NKAIN2: variants seen among roughly 807,000 people sequenced by gnomAD.
NKAIN2 encodes the protein sodium/potassium-transporting ATPase subunit beta-1-interacting protein 2.
NKAIN2 carries 14 observed loss-of-function variants against 32.6 expected under a neutral mutation model. The observed-to-expected ratio is 0.43, with a 90% confidence interval of 0.28 to 0.67. NKAIN2 has a LOEUF of 0.67. Ranked by LOEUF, NKAIN2 falls within the 30% of genes least tolerant of loss-of-function variation. The probability of loss-of-function intolerance (pLI) is 0.17; values close to 1 mark genes in which losing one functional copy is unlikely to be tolerated. For missense variants in NKAIN2, 198 were observed against 258.3 expected, an observed-to-expected ratio of 0.77 and a Z score of 1.60; for synonymous variants, 80 against 87.2, an observed-to-expected ratio of 0.92 and a Z score of 0.46.
intron 1 of NKAIN2, among the ~76,000 whole-genome samples, chr6:123,830,186 C>G (rs1562205485): frequency 6.6e-6 from 1 of 152,152 alleles, no homozygotes; most frequent in Non-Finnish European, 1.5e-5. Flanking sequence ...CACTGCCATC[C>G]TCCTTGCTTA....
intron 1 of NKAIN2, among the ~76,000 whole-genome samples, chr6:123,837,278 G>A (rs1774670612): frequency 6.6e-6 from 1 of 151,778 alleles, no homozygotes; most frequent in South Asian, 2.1e-4. Context: ...TTAAGATTGT[G>A]TAAGCAAACC....
intron 3 of NKAIN2, among the ~76,000 whole-genome samples, chr6:124,474,785 C>T (rs1777116562): frequency 7.8e-6 from 1 of 128,066 alleles, no homozygotes; most frequent in Non-Finnish European, 1.8e-5. Context: ...TTATCTTACC[C>T]CTGTATATAT....
chr6:123,911,809 A>ATATATATG (rs1554222371), intron 1 of NKAIN2, among the ~76,000 whole-genome samples: 3 of 102,014 alleles, frequency 2.9e-5, no homozygotes, highest in Admixed American at 1.1e-4. Context: ...ATGTATATAT[A>ATATATATG]TATACACACA....
At chr6:123,915,138 G>T (rs1394459694) in intron 1 of NKAIN2, among the ~76,000 whole-genome samples, 1 of 152,164 alleles carries the variant, frequency 6.6e-6, no homozygotes, top group Non-Finnish European at 1.5e-5. Context: ...TTATGTTTGG[G>T]CCAAGCACTG....
At chr6:124,080,958 A>G (rs964206683) in intron 1 of NKAIN2, among the ~76,000 whole-genome samples, 1 of 152,134 alleles carries the variant, frequency 6.6e-6, no homozygotes, top group Non-Finnish European at 1.5e-5. Context: ...ATAGGTATAA[A>G]TCCCACCATA....
intron 3 of NKAIN2, among the ~76,000 whole-genome samples, chr6:124,637,959 G>T (rs959685311): frequency 6.6e-6 from 1 of 152,034 alleles, no homozygotes; most frequent in African/African-American, 2.4e-5. Context: ...AAGCAATTCT[G>T]GGGAAAACAA....
intron 3 of NKAIN2, among the ~76,000 whole-genome samples, chr6:124,400,872 C>T (rs76293989): frequency 0.014 from 2,091 of 152,194 alleles, 40 homozygotes; most frequent in African/African-American, 0.048. Context: ...TTTTTATGGT[C>T]ACACCTATTT....
chr6:123,877,373 A>G (rs188361787), intron 1 of NKAIN2, among the ~76,000 whole-genome samples: 1 of 152,332 alleles, frequency 6.6e-6, no homozygotes, highest in East Asian at 1.9e-4. Flanking sequence ...TCCTTACCAG[A>G]TCATAATAGC....
chr6:124,582,653 A>G (rs1781565884), intron 3 of NKAIN2, among the ~76,000 whole-genome samples: 2 of 152,202 alleles, frequency 1.3e-5, no homozygotes, highest in Non-Finnish European at 2.9e-5. Flanking sequence ...ACATGGGCAC[A>G]TTAAAAAAAG....
chr6:124,505,862 T>G (rs560008888), intron 3 of NKAIN2, among the ~76,000 whole-genome samples: 1 of 152,188 alleles, frequency 6.6e-6, no homozygotes, highest in East Asian at 1.9e-4. Context: ...AATGACAGAC[T>G]TAGTGAGCCA....
intron 3 of NKAIN2, among the ~76,000 whole-genome samples, chr6:124,364,716 C>G (rs1247188495): frequency 1.3e-5 from 2 of 151,380 alleles, no homozygotes; most frequent in South Asian, 2.1e-4. Flanking sequence ...CAAACTTTAA[C>G]TGAAGGAAAT....
intron 1 of NKAIN2, among the ~76,000 whole-genome samples, chr6:124,011,906 C>A (rs909555355): frequency 6.6e-6 from 1 of 152,106 alleles, no homozygotes; most frequent in African/African-American, 2.4e-5. Context: ...TGATTATGAA[C>A]ATCAATGGGC....
intron 2 of NKAIN2, among the ~76,000 whole-genome samples, chr6:124,307,067 GC>G (rs1583024230): frequency 6.6e-6 from 1 of 152,080 alleles, no homozygotes; most frequent in Non-Finnish European, 1.5e-5. Context: ...TGAGGAAAAG[GC>G]CCGCTCGGGA....
At chr6:124,502,925 T>C (rs1024872987) in intron 3 of NKAIN2, among the ~76,000 whole-genome samples, 80 of 152,178 alleles carry the variant, frequency 5.3e-4, no homozygotes, top group African/African-American at 1.6e-3. Flanking sequence ...AGAATTGTTC[T>C]GGCAATTCTT....
chr6:124,079,088 G>A (rs570579842), intron 1 of NKAIN2, among the ~76,000 whole-genome samples: 6 of 152,012 alleles, frequency 3.9e-5, no homozygotes, highest in Non-Finnish European at 7.4e-5. Context: ...TTGGGAGGGC[G>A]AGGCAGGTGG....
chr6:124,806,964 T>C (rs2114847448), intron 5 of NKAIN2, among the ~76,000 whole-genome samples: 1 of 152,244 alleles, frequency 6.6e-6, no homozygotes, highest in Non-Finnish European at 1.5e-5. Context: ...ATGCATCCAA[T>C]ACAGGAGGAC....
At chr6:124,725,354 T>G (rs1347654470) in intron 4 of NKAIN2, among the ~76,000 whole-genome samples, 2 of 152,132 alleles carry the variant, frequency 1.3e-5, no homozygotes, top group Admixed American at 6.5e-5. Flanking sequence ...TCCTCCCACC[T>G]TGGCCTCCCA....
chr6:124,375,940 G>C (rs1282611258), intron 3 of NKAIN2, among the ~76,000 whole-genome samples: 2 of 152,078 alleles, frequency 1.3e-5, no homozygotes, highest in Admixed American at 1.3e-4. Context: ...TTAGTTCTAA[G>C]AGACATAATG....
intron 1 of NKAIN2, among the ~76,000 whole-genome samples, chr6:124,118,150 A>G (rs1785706327): frequency 6.6e-6 from 1 of 152,186 alleles, no homozygotes. Flanking sequence ...TCACAAGGGC[A>G]GAAGGTTCAT....
Sources: gnomAD v4.1 joint callset for allele counts (sites outside exome capture counted in the v4.1 genomes callset) on GRCh38, gnomAD v4.1.1 for gene constraint, MANE v1.5 for transcripts, NCBI Gene and HGNC (gene_info 2026-07-23, HGNC 2026-07-21) for gene names.